Variants in KIF26B observed in about 807,000 individuals in gnomAD.
KIF26B encodes kinesin-like protein KIF26B.
A neutral mutation model predicts 151.2 loss-of-function variants in KIF26B; 63 were observed. The observed-to-expected ratio is 0.42, with a 90% CI of 0.34 to 0.51. The LOEUF (loss-of-function observed/expected upper bound fraction) is 0.51, where lower values mean the gene tolerates loss of function less well. KIF26B is among the 20% of genes least tolerant of loss of function. The pLI, the probability that KIF26B is intolerant of heterozygous loss-of-function variation, is 0.07. For synonymous variants in KIF26B, 1,357 were observed against 1,262.1 expected (o/e 1.08, Z -1.59); for missense variants, 2,813 against 2,913.6 (o/e 0.97, Z 0.79).
At position 245,366,564 on chromosome 1, in the gene KIF26B, C is replaced by T. The variant is rs533730569; in HGVS notation, c.466-270C>T. ...AAAGAAAAAAAAAAATATTCTTGAC[C>T]AGCCTGGCGAAGAAGATACTTAGAA... On this transcript the variant is annotated intron_variant, in intron 2 of 14. Coordinates refer to ENST00000407071, the MANE Select transcript of KIF26B (RefSeq NM_018012.4). Among the ~76,000 whole-genome samples the T allele has an allele frequency of 5.9e-5, 9 of 152,058 alleles. No individual in the cohort carries two copies. The South Asian group carries it at 1.5e-3, about 25-fold the overall frequency.
intron 10 of KIF26B, among the ~76,000 whole-genome samples, chr1:245,670,245 CATAT>C (rs10584392): frequency 0.036 from 4,810 of 134,560 alleles, 130 homozygotes; most frequent in African/African-American, 0.086. Context: ...TGTGTATATC[CATAT>C]ATATATATAT....
intron 2 of KIF26B, among the ~76,000 whole-genome samples, chr1:245,171,311 A>G (rs1668703765): frequency 6.6e-6 from 1 of 152,252 alleles, no homozygotes; most frequent in Non-Finnish European, 1.5e-5. Flanking sequence ...TGGGAGGCCA[A>G]GGCGGGCGGA....
At chr1:245,297,291 C>T (rs113042731) in intron 2 of KIF26B, among the ~76,000 whole-genome samples, 106 of 152,210 alleles carry the variant, frequency 7.0e-4, no homozygotes, top group African/African-American at 2.5e-3. Context: ...TGCAATGAGC[C>T]GAGATCACGT....
At chr1:245,206,385 C>T (rs746815862) in intron 2 of KIF26B, 1 of 152,196 alleles carries the variant, frequency 6.6e-6, no homozygotes, top group Non-Finnish European at 1.5e-5. Context: ...AAGGATTAAG[C>T]ATTTCATGTG....
In KIF26B at chr1:245,547,510, C is replaced by T. The variant is rs548466527; in HGVS notation, c.1350+6560C>T. ...CTGAGGCAGGAGGATCACTTGAACC[C>T]GGGAGGCGGAGTTGCAGTAAGCCAA... is the stretch of plus-strand genomic sequence containing the variant. On this transcript the variant is annotated intron_variant, in intron 5 of 14. Transcript: ENST00000407071. 1.2e-3 allele frequency among the ~76,000 whole-genome samples: 179 copies of T among 144,576 alleles called. 1 individual carries two copies. The highest frequency in any genetic ancestry group is 4.3e-3 in the African/African-American group (169 of 39,216). 94.8% of individuals were successfully genotyped at this position (144,576 alleles called of 152,430 possible). A position where few individuals can be genotyped will look rare whatever the true frequency, so the allele number is the denominator to read the frequency against.
intron 4 of KIF26B, among the ~76,000 whole-genome samples, chr1:245,455,199 A>G (rs1374180880): frequency 1.3e-5 from 2 of 152,084 alleles, no homozygotes; most frequent in East Asian, 1.9e-4. Context: ...CTAAGCGTCT[A>G]TCACTTTTTA....
chr1:245,314,841 A>T (rs1303464797), intron 2 of KIF26B, among the ~76,000 whole-genome samples: 1 of 152,226 alleles, frequency 6.6e-6, no homozygotes, highest in Admixed American at 6.5e-5. Flanking sequence ...GATTCACATA[A>T]TACATAATTA....
chr1:245,446,141 A>T (rs1243724928), intron 4 of KIF26B, among the ~76,000 whole-genome samples: 1 of 152,204 alleles, frequency 6.6e-6, no homozygotes, highest in African/African-American at 2.4e-5. Flanking sequence ...GATGTAGCGT[A>T]TTCATTCTAG....
rs535683821 is a variant in KIF26B, at chr1:245,241,910, C to A, written c.465+85227C>A. On this transcript the variant is annotated intron_variant, in intron 2 of 14. Transcript: ENST00000407071. This position sits in a 1 kb window ranked among gnomAD's most constrained non-coding sequence, Gnocchi z 5.0. The stretch of plus-strand genomic sequence containing the variant: ...CAAGGCTCATTCCTGACTCACCCAG[C>A]CTCATCTCCAGCCATTCGAGATGCA... Among the ~76,000 whole-genome samples the A allele has an allele frequency of 6.6e-6, 1 of 152,300 alleles. No individual in the cohort carries two copies. Among genetic ancestry groups the A allele is most frequent in the Admixed American group, 6.5e-5 (1 of 15,302 alleles).
chr1:245,622,864 A>G (rs1341360035), intron 9 of KIF26B, among the ~76,000 whole-genome samples: 1 of 151,876 alleles, frequency 6.6e-6, no homozygotes, highest in Non-Finnish European at 1.5e-5. Flanking sequence ...GTACCCAGAG[A>G]CACGCCTCTC....
intron 2 of KIF26B, among the ~76,000 whole-genome samples, chr1:245,285,042 AAAAC>A (rs1186266493): frequency 5.3e-5 from 8 of 152,224 alleles, no homozygotes; most frequent in East Asian, 1.9e-4. Context: ...TCTGTCTCAA[AAAAC>A]AAACAAACAA....
chr1:245,698,433 T>C lies in KIF26B; in HGVS notation c.6027+125T>C. ...CGGGCTTCCCAGCGGGCTTCTGGCA[T>C]GGGTGGTGGGAAGGGGGCTTCTGTC... On this transcript the variant is annotated intron_variant, in intron 13 of 14. Transcript: ENST00000407071. The surrounding 1 kb of genome is among the most constrained non-coding windows in gnomAD (Gnocchi z 4.0). 1.2e-6 allele frequency: 1 copy of C among 831,494 alleles called. No individual in the cohort carries two copies. Among genetic ancestry groups the C allele is most frequent in the Non-Finnish European group, 1.9e-6 (1 of 537,426 alleles). 51.5% of individuals were successfully genotyped at this position (831,494 alleles called of 1,614,324 possible).
In KIF26B at chr1:245,601,324, T is replaced by C. The variant is rs953054914; in HGVS notation, c.1351-1253T>C. ...TTCAGCTTTGCTCACTGCAGATTAG[T>C]CCTCATCGCTCAGCAGAGAGAGTCG... On this transcript the variant is annotated intron_variant, in intron 5 of 14. Transcript: ENST00000407071. The surrounding 1 kb of genome is among the most constrained non-coding windows in gnomAD (Gnocchi z 4.4). Among the ~76,000 whole-genome samples the C allele has an allele frequency of 1.3e-5, 2 of 152,188 alleles. No individual in the cohort carries two copies. The highest frequency in any genetic ancestry group is 4.8e-5 in the African/African-American group (2 of 41,442).
intron 2 of KIF26B, among the ~76,000 whole-genome samples, chr1:245,177,982 A>G (rs1573690569): frequency 6.6e-6 from 1 of 152,198 alleles, no homozygotes; most frequent in South Asian, 2.1e-4. Context: ...CACGTAGGAA[A>G]GGTCTGAAGA....
intron 3 of KIF26B, among the ~76,000 whole-genome samples, chr1:245,419,320 A>T (rs1010427576): frequency 2.6e-5 from 4 of 152,218 alleles, no homozygotes; most frequent in Non-Finnish European, 2.9e-5. Context: ...AAATGGAGGG[A>T]AGACACAGAC....
intron 2 of KIF26B, among the ~76,000 whole-genome samples, chr1:245,305,168 AAATC>A (rs2102979483): frequency 1.3e-5 from 2 of 152,344 alleles, no homozygotes; most frequent in Admixed American, 1.3e-4. Flanking sequence ...TGTGAAGAGA[AAATC>A]AAAGAGTATG....
At chr1:245,522,076 A>C (rs144973070) in intron 4 of KIF26B, among the ~76,000 whole-genome samples, 1 of 152,014 alleles carries the variant, frequency 6.6e-6, no homozygotes, top group East Asian at 1.9e-4. Context: ...TCACCGTGTT[A>C]GCCAGGATGG....
chr1:245,334,506 T>C (rs897231858), intron 2 of KIF26B, among the ~76,000 whole-genome samples: 7 of 152,142 alleles, frequency 4.6e-5, no homozygotes, highest in Admixed American at 3.9e-4. Context: ...ATAAAACATG[T>C]AGGTGAGAGG....
intron 4 of KIF26B, among the ~76,000 whole-genome samples, chr1:245,458,850 TC>T (rs771735284): frequency 5.9e-5 from 9 of 152,192 alleles, no homozygotes; most frequent in Non-Finnish European, 7.3e-5. Context: ...GTTTGAACAT[TC>T]ATCAAATATG....
Sources: gnomAD v4.1 joint callset for allele counts (sites outside exome capture counted in the v4.1 genomes callset) on GRCh38, gnomAD v4.1.1 for gene constraint, Gnocchi (gnomAD v3.1) non-coding constraint, MANE v1.5 for transcripts, NCBI Gene and HGNC (gene_info 2026-07-23, HGNC 2026-07-21) for gene names.